Variants in ODAD2 observed in about 807,000 individuals in gnomAD.
ODAD2 encodes outer dynein arm-docking complex subunit 2.
A neutral mutation model predicts 106.8 loss-of-function variants in ODAD2; 89 were observed. The ratio of observed to expected loss-of-function variants is 0.83; its 90% CI spans 0.70 to 0.99. The LOEUF (loss-of-function observed/expected upper bound fraction) is 0.99. ODAD2 is among the 50% of genes least tolerant of loss of function. The pLI, the probability that ODAD2 is intolerant of heterozygous loss-of-function variation, is 0.00. For synonymous variants in ODAD2, 404 were observed against 436.2 expected (o/e 0.93, Z 0.92); for missense variants, 1,168 against 1,238.5 (o/e 0.94, Z 0.85).
chr10:27,829,189 T>C lies in ODAD2; in HGVS notation c.3022-16564A>G, dbSNP rs890061281. 5.3e-5 allele frequency among the ~76,000 whole-genome samples: 8 copies of C among 152,156 alleles called. 1 individual carries two copies. Among genetic ancestry groups the C allele is most frequent in the African/African-American group, 1.7e-4 (7 of 41,454 alleles). ...TTTTGGTTCAGCGTTCAAAAGCAGA[T>C]TAATATAGAAAAAATAAAGTACAGG... On this transcript the variant is annotated intron_variant, in intron 19 of 19. Coordinates refer to ENST00000305242, the MANE Select transcript of ODAD2 (RefSeq NM_018076.5).
At chr10:27,864,805 C>T (rs1266590736) in intron 17 of ODAD2, among the ~76,000 whole-genome samples, 1 of 152,126 alleles carries the variant, frequency 6.6e-6, no homozygotes, top group Non-Finnish European at 1.5e-5. Context: ...TAATAATTCA[C>T]ATCTTTTGCA....
intron 16 of ODAD2, 105 bp downstream of exon 16, chr10:27,934,905 T>C: frequency 7.3e-7 from 1 of 1,369,340 alleles, no homozygotes. Context: ...CTGTATTTTT[T>C]CATCATTCGT....
chr10:27,997,281 T>A (rs1044376326), intron 1 of ODAD2, among the ~76,000 whole-genome samples: 22 of 152,212 alleles, frequency 1.4e-4, no homozygotes, highest in African/African-American at 5.3e-4. Flanking sequence ...CCCATTGTTG[T>A]GTAAAATAAG....
At chr10:27,902,701 A>G (rs1330596649) in intron 17 of ODAD2, among the ~76,000 whole-genome samples, 1 of 152,230 alleles carries the variant, frequency 6.6e-6, no homozygotes, top group Non-Finnish European at 1.5e-5. Context: ...AATCGAGAAG[A>G]AATGGATAAA....
intron 17 of ODAD2, among the ~76,000 whole-genome samples, chr10:27,885,911 A>ATATATATTTT (rs1842185863): frequency 8.0e-6 from 1 of 125,158 alleles, no homozygotes; most frequent in African/African-American, 3.0e-5. Context: ...ATAAAAATAT[A>ATATATATTTT]TATATATTTT....
intron 6 of ODAD2, 135 bp downstream of exon 6, chr10:27,983,708 T>C: frequency 2.4e-6 from 2 of 841,870 alleles, no homozygotes; most frequent in Non-Finnish European, 1.8e-6. Flanking sequence ...CCAGCAAGCA[T>C]ATATCAAAGG....
chr10:27,925,759 G>A (rs1005762911), intron 16 of ODAD2, among the ~76,000 whole-genome samples: 7 of 151,832 alleles, frequency 4.6e-5, no homozygotes, highest in Non-Finnish European at 1.0e-4. Flanking sequence ...AGACACTAGA[G>A]GCATCCCCAC....
intron 19 of ODAD2, among the ~76,000 whole-genome samples, chr10:27,823,387 A>AG (rs1836765490): frequency 1.3e-5 from 2 of 152,210 alleles, no homozygotes; most frequent in Non-Finnish European, 2.9e-5. Context: ...CCCATAGATT[A>AG]TGCAGTAAAG....
chr10:27,846,902 T>C (rs185460162), intron 19 of ODAD2, among the ~76,000 whole-genome samples: 77 of 152,212 alleles, frequency 5.1e-4, no homozygotes, highest in Middle Eastern at 3.4e-3. Flanking sequence ...AATAGATCAA[T>C]TGTTGCTCTG....
rs1029958442 is a variant in ODAD2 at position 27,932,937 on chromosome 10, C to G, written c.2495+2073G>C. ...TCCAGTGGCTAGCACAAAAGATGCT[C>G]AATAAATATGTGTTTAATGTAAAGG... On this transcript the variant is annotated intron_variant, in intron 16 of 19. Coordinates refer to ENST00000305242, the MANE Select transcript of ODAD2 (RefSeq NM_018076.5). Among the ~76,000 whole-genome samples the G allele has an allele frequency of 2.0e-5, 3 of 152,082 alleles. No individual in the cohort carries two copies. In the South Asian group the frequency reaches 6.2e-4, roughly 32 times the overall value.
At chr10:27,904,431 A>C (rs1378933077) in intron 17 of ODAD2, 2 of 154,788 alleles carry the variant, frequency 1.3e-5, no homozygotes, top group Admixed American at 6.5e-5. Flanking sequence ...AGCTGAGATC[A>C]CGCCACTGCA....
At chr10:27,998,091 C>T (rs761174302) in intron 1 of ODAD2, among the ~76,000 whole-genome samples, 1 of 152,128 alleles carries the variant, frequency 6.6e-6, no homozygotes. Context: ...GTAATCACAT[C>T]GTTAACACTT....
chr10:27,838,653 A>G (rs1564413604), intron 19 of ODAD2, among the ~76,000 whole-genome samples: 1 of 152,246 alleles, frequency 6.6e-6, no homozygotes, highest in Non-Finnish European at 1.5e-5. Context: ...ACTGCTCTCT[A>G]TAGCATCTGC....
At chr10:27,859,852 C>A (rs1279827288) in intron 19 of ODAD2, among the ~76,000 whole-genome samples, 1 of 152,092 alleles carries the variant, frequency 6.6e-6, no homozygotes. Flanking sequence ...AACAAACAAA[C>A]AAACAAACAT....
chr10:27,993,974 A>ATATATGTGTGTGTGTGTG (rs369833558), intron 2 of ODAD2, among the ~76,000 whole-genome samples: 1 of 140,546 alleles, frequency 7.1e-6, no homozygotes, highest in Non-Finnish European at 1.5e-5. Context: ...ATATATATAT[A>ATATATGTGTGTGTGTGTG]TGTGTGTGTG....
chr10:27,851,525 G>A (rs1264756884), intron 19 of ODAD2, among the ~76,000 whole-genome samples: 2 of 151,686 alleles, frequency 1.3e-5, no homozygotes, highest in Non-Finnish European at 2.9e-5. Flanking sequence ...CAAATGAAAC[G>A]TCGATAGTAT....
intron 19 of ODAD2, among the ~76,000 whole-genome samples, chr10:27,851,899 G>T (rs1042240232): frequency 6.6e-6 from 1 of 152,078 alleles, no homozygotes; most frequent in African/African-American, 2.4e-5. Context: ...CTCCAAACCA[G>T]TGAAAATGAT....
chr10:27,867,737 G>A (rs977649863), intron 17 of ODAD2, among the ~76,000 whole-genome samples: 2 of 152,128 alleles, frequency 1.3e-5, no homozygotes, highest in African/African-American at 4.8e-5. Context: ...ATCACTTGAG[G>A]TCAGGAGGTT....
At chr10:27,969,979 A>C (rs1289557832) in intron 8 of ODAD2, among the ~76,000 whole-genome samples, 8 of 151,950 alleles carry the variant, frequency 5.3e-5, no homozygotes. Flanking sequence ...GGTGTCACAC[A>C]CCTGTAATCC....
Sources: gnomAD v4.1 joint callset for allele counts (sites outside exome capture counted in the v4.1 genomes callset) on GRCh38, gnomAD v4.1.1 for gene constraint, MANE v1.5 for transcripts, NCBI Gene and HGNC (gene_info 2026-07-23, HGNC 2026-07-21) for gene names.